The following CSRP1 variants were observed in gnomAD, a reference collection of about 807,000 sequenced individuals.
CSRP1 encodes cysteine and glycine rich protein 1.
CSRP1 carries 16 observed loss-of-function variants against 25.4 expected under a neutral mutation model. That is an observed-to-expected ratio of 0.63 (90% confidence interval 0.43 to 0.96). CSRP1 has a LOEUF of 0.96. CSRP1 is among the 40% of genes least tolerant of loss of function. The probability of loss-of-function intolerance (pLI) is 0.00; values close to 1 mark genes in which losing one functional copy is unlikely to be tolerated. For synonymous variants in CSRP1, 97 were observed against 95.3 expected, an observed-to-expected ratio of 1.02 and a Z score of -0.10; for missense variants, 212 against 243.6, an observed-to-expected ratio of 0.87 and a Z score of 0.86.
intron 1 of CSRP1, among the ~76,000 whole-genome samples, chr1:201,504,498 G>T (rs1045690865): frequency 5.9e-5 from 9 of 152,312 alleles, no homozygotes; most frequent in Non-Finnish European, 1.3e-4. Context: ...ATTCTCACTA[G>T]CACCTCTTTG....
chr1:201,486,792 C>A lies in CSRP1; in HGVS notation c.412-1416G>T, dbSNP rs1664159395. ...AGGTGGGGCTTCTCCCTACCTTTTC[C>A]ACTTGAATGCAAAATTCTCTTATCC... On this transcript the variant is annotated intron_variant, in intron 4 of 5. Coordinates refer to ENST00000340006, the MANE Select transcript of CSRP1 (RefSeq NM_004078.3). 1.1e-5 allele frequency: 12 copies of A among 1,060,428 alleles called. No individual in the cohort carries two copies. The South Asian group carries it at 2.4e-4, about 21-fold the overall frequency. 65.7% of individuals were successfully genotyped at this position (1,060,428 alleles called of 1,614,324 possible). A position where few individuals can be genotyped will look rare whatever the true frequency, so the allele number is the denominator to read the frequency against.
chr1:201,506,285 G>C (rs1011470154), intron 1 of CSRP1, among the ~76,000 whole-genome samples: 1 of 152,162 alleles, frequency 6.6e-6, no homozygotes, highest in Non-Finnish European at 1.5e-5. Context: ...CTGGAGCCCA[G>C]GGCTCTAGGC....
Position 201,488,463 on chromosome 1 carries a change from T to C in CSRP1, c.411+392A>G, listed in dbSNP as rs146759314. 437 of 154,782 alleles carry C rather than the reference T, an allele frequency of 2.8e-3. 2 individuals carry two copies. Among genetic ancestry groups the C allele is most frequent in the African/African-American group, 0.01 (426 of 41,572 alleles). The allele number at this position is 154,782 out of a possible 1,614,324, so 9.6% of individuals were successfully genotyped here. A position where few individuals can be genotyped will look rare whatever the true frequency, so the allele number is the denominator to read the frequency against. On this transcript the variant is annotated intron_variant, in intron 4 of 5. Coordinates refer to ENST00000340006, the MANE Select transcript of CSRP1 (RefSeq NM_004078.3). ...TTTGGGATCACAAATCCTTTGAAAA[T>C]TTAATAAAAGCTATGGATCTTCTTC...
intron 1 of CSRP1, among the ~76,000 whole-genome samples, chr1:201,504,552 A>G (rs1011747928): frequency 5.9e-5 from 9 of 152,016 alleles, no homozygotes; most frequent in African/African-American, 1.9e-4. Flanking sequence ...TAGCAAGCCA[A>G]CGTTTCACAA....
chr1:201,497,348 G>A (rs1415861996), intron 1 of CSRP1, among the ~76,000 whole-genome samples: 1 of 85,196 alleles, frequency 1.2e-5, no homozygotes, highest in Non-Finnish European at 2.0e-5. Context: ...AACAGAACAA[G>A]ACTCTGTCTC....
intron 4 of CSRP1, chr1:201,486,597 G>A: frequency 1.0e-6 from 1 of 994,390 alleles, no homozygotes; most frequent in Non-Finnish European, 1.2e-6. Context: ...TAAAGCAGGG[G>A]CTGCTACCCC....
In CSRP1 at chr1:201,484,081, T is replaced by A; in HGVS notation, c.*632A>T. The A allele has an allele frequency of 1.5e-6, 1 of 685,638 alleles. No homozygotes were observed. The highest frequency in any genetic ancestry group is 1.5e-5 in the South Asian group (1 of 66,896). 42.5% of individuals were successfully genotyped at this position (685,638 alleles called of 1,614,324 possible). ...GTCCTTAAGACCTGGGTTATTCTCC[T>A]CCCAGTCCTAGTGGGAGGCTATCCA... On this transcript the variant is annotated 3_prime_UTR_variant, in exon 6 of 6. Coordinates refer to ENST00000340006, the MANE Select transcript of CSRP1 (RefSeq NM_004078.3).
At position 201,494,143 on chromosome 1, in the gene CSRP1, C is replaced by T. The variant is rs538282084; in HGVS notation, c.112+2049G>A. Among the ~76,000 whole-genome samples, 653 of 152,162 alleles carry T rather than the reference C, an allele frequency of 4.3e-3. 3 individuals are homozygous for T. Among genetic ancestry groups the T allele is most frequent in the Non-Finnish European group, 6.3e-3 (427 of 67,994 alleles). ...TGACTTTCTACAACTGTTTCTCATC[C>T]GCAGCGCCCCTCACACCCTGCCCCA... is the stretch of plus-strand genomic sequence containing the variant. On this transcript the variant is annotated intron_variant, in intron 2 of 5. Transcript: ENST00000340006.
At chr1:201,490,145 G>T (rs778460236) in intron 3 of CSRP1, 31 bp downstream of exon 3, 1 of 1,597,194 alleles carries the variant, frequency 6.3e-7, no homozygotes, top group Non-Finnish European at 8.6e-7. Context: ...GAGAGCTCAA[G>T]AAAAAGGTTG....
chr1:201,493,250 A>G (rs58426569), intron 2 of CSRP1, among the ~76,000 whole-genome samples: 2 of 151,916 alleles, frequency 1.3e-5, no homozygotes, highest in African/African-American at 4.8e-5. Flanking sequence ...CATTCTCCCC[A>G]CCTTTGCCTA....
At chr1:201,502,912 A>T (rs2102416481) in intron 1 of CSRP1, among the ~76,000 whole-genome samples, 1 of 151,690 alleles carries the variant, frequency 6.6e-6, no homozygotes, top group East Asian at 1.9e-4. Context: ...AGGTGGGTGG[A>T]TCATTTAAGG....
intron 1 of CSRP1, among the ~76,000 whole-genome samples, chr1:201,497,429 G>C (rs1307853003): frequency 6.6e-6 from 1 of 151,064 alleles, no homozygotes; most frequent in Non-Finnish European, 1.5e-5. Context: ...TCAGAGTGAG[G>C]GGCTTTTGCA....
intron 2 of CSRP1, chr1:201,490,607 C>G (rs1353085286): frequency 4.5e-5 from 18 of 401,062 alleles, no homozygotes; most frequent in Non-Finnish European, 7.8e-5. Flanking sequence ...CTTTGGTCCT[C>G]TGCACCCCTA....
rs532795584 is a variant in CSRP1, at chr1:201,502,343, A to T, written c.-2+4727T>A. 3.9e-5 allele frequency among the ~76,000 whole-genome samples: 6 copies of T among 152,356 alleles called. No homozygotes were observed. The South Asian group carries it at 1.2e-3, about 32-fold the overall frequency. On this transcript the variant is annotated intron_variant, in intron 1 of 5. Transcript: ENST00000340006. ...CTGCCAGGTGGACAGGAGGGCTGGC[A>T]TCCCTTCCAATCTGCAGCTCGGCTT...
chr1:201,492,618 G>C (rs1001967852), intron 2 of CSRP1: 3 of 152,200 alleles, frequency 2.0e-5, no homozygotes, highest in African/African-American at 7.2e-5. Context: ...GATACTGCTT[G>C]GAAATAAAGG....
At chr1:201,485,145 C>T in intron 5 of CSRP1, 138 bp downstream of exon 5, 1 of 797,820 alleles carries the variant, frequency 1.3e-6, no homozygotes, top group East Asian at 2.5e-5. Flanking sequence ...CTCATCTGTA[C>T]AATGAAGGAA....
chr1:201,488,952 T>G lies in CSRP1; in HGVS notation c.314A>C (p.Asn105Thr). Residue 105 changes from asparagine (N) to threonine (T), a missense_variant, in exon 4 of 6, where the codon AAT (asparagine) becomes ACT (threonine). Coordinates refer to ENST00000340006, the MANE Select transcript of CSRP1 (RefSeq NM_004078.3). ...APGHRPTTNP[N>T]ASKFAQKIGG... ...AATCTTCTGGGCAAATTTGGATGCA[T>G]TGGGGTTGGTGGTGGGCCTGTGGCC... 1 of 1,613,920 alleles carries G rather than the reference T, an allele frequency of 6.2e-7. No homozygotes were observed. Among genetic ancestry groups the G allele is most frequent in the Non-Finnish European group, 8.5e-7 (1 of 1,179,902 alleles).
intron 2 of CSRP1, among the ~76,000 whole-genome samples, chr1:201,493,327 G>C (rs1664402824): frequency 6.6e-6 from 1 of 152,210 alleles, no homozygotes; most frequent in South Asian, 2.1e-4. Context: ...TGGTTTGGCT[G>C]TGTTCCCACC....
At chr1:201,489,055 A>G (rs544472719) in intron 3 of CSRP1, 71 bp from the exon 4 acceptor site, 1 of 1,589,204 alleles carries the variant, frequency 6.3e-7, no homozygotes, top group East Asian at 2.3e-5. Context: ...CTGAGAGGGC[A>G]TGACCCTACC....
Sources: allele counts gnomAD v4.1 joint callset (sites outside exome capture counted in the v4.1 genomes callset), GRCh38; gene constraint gnomAD v4.1.1; transcripts MANE v1.5; gene names NCBI Gene and HGNC (gene_info 2026-07-23, HGNC 2026-07-21).